PHF21A: variants seen among roughly 807,000 people sequenced by gnomAD.
PHF21A encodes PHD finger protein 21A.
PHF21A carries 11 observed loss-of-function variants against 82.5 expected under a neutral mutation model. The observed-to-expected ratio is 0.13, with a 90% CI of 0.08 to 0.22. PHF21A has a LOEUF of 0.22. Among genes scored for constraint, PHF21A ranks in the 10% least tolerant of loss-of-function variants. PHF21A has a pLI of 1.00. For synonymous variants in PHF21A, 297 were observed against 302.8 expected, an observed-to-expected ratio of 0.98 and a Z score of 0.20; for missense variants, 579 against 837.8, an observed-to-expected ratio of 0.69 and a Z score of 3.81.
chr11:46,005,111 G>A (rs2095263039), intron 6 of PHF21A, among the ~76,000 whole-genome samples: 1 of 152,140 alleles, frequency 6.6e-6, no homozygotes. Context: ...GTTACCAAGA[G>A]CAACCGCAGT....
intron 1 of PHF21A, among the ~76,000 whole-genome samples, chr11:46,107,597 T>A (rs1468227571): frequency 6.6e-6 from 1 of 152,230 alleles, no homozygotes; most frequent in Non-Finnish European, 1.5e-5. Context: ...TAAAGCACCT[T>A]AGATGCAAGG....
chr11:45,963,856 T>G (rs1420369718), intron 10 of PHF21A, among the ~76,000 whole-genome samples: 1 of 152,158 alleles, frequency 6.6e-6, no homozygotes, highest in Non-Finnish European at 1.5e-5. Flanking sequence ...AATACCAAAG[T>G]TCTGCTGTCA....
chr11:46,010,454 G>A (rs1481131525), intron 6 of PHF21A, among the ~76,000 whole-genome samples: 2 of 152,176 alleles, frequency 1.3e-5, no homozygotes, highest in Non-Finnish European at 2.9e-5. Flanking sequence ...ACAGTTAAGT[G>A]GCAAAGCCAG....
At chr11:46,001,401 C>T (rs2095125770) in intron 6 of PHF21A, among the ~76,000 whole-genome samples, 1 of 151,046 alleles carries the variant, frequency 6.6e-6, no homozygotes, top group Non-Finnish European at 1.5e-5. Flanking sequence ...ATGTACTTAG[C>T]CAATGCACCT....
Position 46,121,194 on chromosome 11 carries a change from C to CTCTCTT in PHF21A, c.-497_-496insAAGAGA, listed in dbSNP as rs1853191888. On this transcript the variant is annotated 5_prime_UTR_variant, in exon 1 of 19. Coordinates refer to ENST00000676320, the MANE Select transcript of PHF21A (RefSeq NM_001352027.3). ...TCTCTCTCACTCACTCTCTCTCTCT[C>CTCTCTT]TCTCTCTCTGGGCTGTTTCTTTCCT... 6.7e-6 allele frequency: 1 copy of CTCTCTT among 148,840 alleles called. No homozygotes were observed. The highest frequency in any genetic ancestry group is 1.5e-5 in the Non-Finnish European group (1 of 67,194). 9.2% of individuals were successfully genotyped at this position (148,840 alleles called of 1,614,324 possible).
rs1313346385 is a variant in PHF21A at position 45,959,630 on chromosome 11, GA to G, written c.996+5684del. Among the ~76,000 whole-genome samples, 5 of 152,098 alleles carry G rather than the reference GA, an allele frequency of 3.3e-5. No individual in the cohort carries two copies. The East Asian group carries it at 7.7e-4, about 23-fold the overall frequency. On this transcript the variant is annotated intron_variant, in intron 10 of 18. Coordinates refer to ENST00000676320, the MANE Select transcript of PHF21A (RefSeq NM_001352027.3). ...TTTGCAGATGACATGATCTTACAGA[GA>G]AAAAAACTCAAAGAATCCATAAAAC...
intron 1 of PHF21A, among the ~76,000 whole-genome samples, chr11:46,099,535 C>CACAT (rs1332752159): frequency 1.3e-5 from 2 of 149,724 alleles, no homozygotes; most frequent in Non-Finnish European, 3.0e-5. Flanking sequence ...CACACACACA[C>CACAT]ACACACACAC....
chr11:46,004,211 C>G (rs1024305477), intron 6 of PHF21A, among the ~76,000 whole-genome samples: 2 of 152,078 alleles, frequency 1.3e-5, no homozygotes, highest in Non-Finnish European at 2.9e-5. Context: ...ATTATGCATA[C>G]TGGTAAGAAA....
At chr11:46,086,020 T>C (rs1422294703) in intron 3 of PHF21A, among the ~76,000 whole-genome samples, 1 of 152,134 alleles carries the variant, frequency 6.6e-6, no homozygotes, top group Non-Finnish European at 1.5e-5. Context: ...AATGATAATG[T>C]TAAACAAAAC....
intron 11 of PHF21A, among the ~76,000 whole-genome samples, chr11:45,952,616 T>C (rs997855149): frequency 2.0e-5 from 3 of 152,220 alleles, no homozygotes; most frequent in East Asian, 1.9e-4. Flanking sequence ...TTTTTCAAGA[T>C]AAAATTAAAA....
intron 6 of PHF21A, among the ~76,000 whole-genome samples, chr11:46,045,118 T>C (rs1226537664): frequency 1.3e-5 from 2 of 152,324 alleles, no homozygotes; most frequent in East Asian, 3.9e-4. Flanking sequence ...TTAGCTTGTG[T>C]GATTCCCCTG....
Position 45,933,950 on chromosome 11 carries a change from T to C in PHF21A, c.*18A>G, listed in dbSNP as rs762449517. The C allele has an allele frequency of 6.7e-6, 10 of 1,487,898 alleles. No individual in the cohort carries two copies. Among genetic ancestry groups the C allele is most frequent in the South Asian group, 1.4e-5 (1 of 71,202 alleles). The allele number at this position is 1,487,898 out of a possible 1,614,324, so 92.2% of individuals were successfully genotyped here. On this transcript the variant is annotated 3_prime_UTR_variant, in exon 19 of 19. Transcript: ENST00000676320. ...TCCTTGCCGCCGGGATCCCGTGGCTTCTCCTAGAGGGGCTCTGTTATTTAG... is the reference window on the plus strand; with the variant it reads ...TCCTTGCCGCCGGGATCCCGTGGCTCCTCCTAGAGGGGCTCTGTTATTTAG...
At chr11:46,101,649 T>C (rs888222830) in intron 1 of PHF21A, among the ~76,000 whole-genome samples, 5 of 152,218 alleles carry the variant, frequency 3.3e-5, no homozygotes, top group East Asian at 3.8e-4. Flanking sequence ...GATTGACTGA[T>C]TGAGACAGTG....
intron 6 of PHF21A, among the ~76,000 whole-genome samples, chr11:46,007,733 G>T (rs554702226): frequency 6.6e-6 from 1 of 152,092 alleles, no homozygotes; most frequent in Non-Finnish European, 1.5e-5. Flanking sequence ...ATCAAAAAAC[G>T]ATGTGAAAGA....
At chr11:46,028,008 A>G in intron 6 of PHF21A, among the ~76,000 whole-genome samples, 1 of 152,180 alleles carries the variant, frequency 6.6e-6, no homozygotes, top group Non-Finnish European at 1.5e-5. Flanking sequence ...AATAATACAA[A>G]CAGGGTAACA....
At chr11:45,988,555 A>G (rs1179554396) in intron 6 of PHF21A, among the ~76,000 whole-genome samples, 1 of 152,246 alleles carries the variant, frequency 6.6e-6, no homozygotes, top group East Asian at 1.9e-4. Context: ...TTAAAAAATC[A>G]TCTACAGTAA....
chr11:45,999,322 C>T (rs2095034329), intron 6 of PHF21A, among the ~76,000 whole-genome samples: 1 of 152,126 alleles, frequency 6.6e-6, no homozygotes, highest in South Asian at 2.1e-4. Context: ...AAAACTTGGT[C>T]TATCAATAAT....
chr11:46,025,397 A>G (rs915716536), intron 6 of PHF21A, among the ~76,000 whole-genome samples: 11 of 152,214 alleles, frequency 7.2e-5, no homozygotes, highest in Admixed American at 5.9e-4. Flanking sequence ...GATGAAGTAG[A>G]TATCCCCTTT....
intron 7 of PHF21A, among the ~76,000 whole-genome samples, chr11:45,972,895 G>C (rs950650628): frequency 6.6e-6 from 1 of 151,264 alleles, no homozygotes; most frequent in East Asian, 1.9e-4. Flanking sequence ...CCTGGTGAGA[G>C]AGCGAGTCTC....
Sources: gnomAD v4.1 joint callset for allele counts (sites outside exome capture counted in the v4.1 genomes callset) on GRCh38, gnomAD v4.1.1 for gene constraint, MANE v1.5 for transcripts, NCBI Gene and HGNC (gene_info 2026-07-23, HGNC 2026-07-21) for gene names.